SLC12A8: variants seen among roughly 807,000 people sequenced by gnomAD.
The protein encoded by SLC12A8 is solute carrier family 12 member 8.
Under a neutral mutation model 75.6 loss-of-function variants are expected in SLC12A8, and 69 were observed. The ratio of observed to expected loss-of-function variants is 0.91; its 90% confidence interval spans 0.75 to 1.11. SLC12A8 has a LOEUF of 1.11. Ranked by LOEUF, SLC12A8 falls within the 50% of genes most tolerant of loss-of-function variation. The probability of loss-of-function intolerance (pLI) is 0.00; values close to 1 mark genes in which losing one functional copy is unlikely to be tolerated. For synonymous variants in SLC12A8, 365 were observed against 372.8 expected (o/e 0.98, Z 0.24); for missense variants, 877 against 896.7 (o/e 0.98, Z 0.28).
rs150609962 is a variant in SLC12A8 at position 125,167,613 on chromosome 3, A to T, written c.622+10130T>A. Among the ~76,000 whole-genome samples the T allele has an allele frequency of 3.8e-3, 576 of 152,344 alleles. 2 individuals carry two copies. The highest frequency in any genetic ancestry group is 5.2e-3 in the South Asian group (25 of 4,832). ...GCCTGGAGATGTAAATATGATTTTC[A>T]TCCTTGTTTTTAACCAATGAGAAAA... On this transcript the variant is annotated intron_variant, in intron 5 of 13. Transcript: ENST00000469902.
intron 2 of SLC12A8, among the ~76,000 whole-genome samples, chr3:125,205,501 A>T (rs549587563): frequency 1.3e-5 from 2 of 152,204 alleles, no homozygotes; most frequent in African/African-American, 4.8e-5. Flanking sequence ...TGTCATTTTC[A>T]GGCAAAGTAA....
At chr3:125,200,613 A>G (rs1213332088) in intron 2 of SLC12A8, among the ~76,000 whole-genome samples, 1 of 152,232 alleles carries the variant, frequency 6.6e-6, no homozygotes, top group Non-Finnish European at 1.5e-5. Context: ...GAATTCACCA[A>G]AAGATTCCTG....
At chr3:125,202,350 A>G (rs985408681) in intron 2 of SLC12A8, among the ~76,000 whole-genome samples, 2 of 152,124 alleles carry the variant, frequency 1.3e-5, no homozygotes, top group Admixed American at 6.5e-5. Context: ...GTAAGCTAAA[A>G]CTCAGTTACT....
intron 6 of SLC12A8, among the ~76,000 whole-genome samples, chr3:125,125,253 A>G (rs1226729951): frequency 6.6e-6 from 1 of 152,056 alleles, no homozygotes; most frequent in Non-Finnish European, 1.5e-5. Context: ...GCTTCCAAAA[A>G]TTGTTTAAAT....
intron 5 of SLC12A8, chr3:125,151,588 GA>G (rs112527069): frequency 0.088 from 13,445 of 152,818 alleles, 1,023 homozygotes; most frequent in East Asian, 0.34. Context: ...GAGAAATGCT[GA>G]AGGGGCAGCC....
chr3:125,151,677 T>A (rs977799786), intron 5 of SLC12A8: 1 of 152,252 alleles, frequency 6.6e-6, no homozygotes, highest in Non-Finnish European at 1.5e-5. Flanking sequence ...CCAGGGAGGA[T>A]GACCACGATA....
intron 8 of SLC12A8, among the ~76,000 whole-genome samples, chr3:125,115,954 C>T (rs1939300798): frequency 6.6e-6 from 1 of 152,148 alleles, no homozygotes; most frequent in Non-Finnish European, 1.5e-5. Context: ...TGTCAAGTGA[C>T]CAAAGTAAAG....
At chr3:125,187,040 G>A (rs1485392100) in intron 4 of SLC12A8, among the ~76,000 whole-genome samples, 197 bp downstream of exon 4, 1 of 152,238 alleles carries the variant, frequency 6.6e-6, no homozygotes, top group Admixed American at 6.5e-5. Context: ...CAGAGGGAAA[G>A]GAGTGCTGGA....
chr3:125,177,114 G>C (rs1305965347), intron 5 of SLC12A8, among the ~76,000 whole-genome samples: 2 of 151,974 alleles, frequency 1.3e-5, no homozygotes, highest in African/African-American at 4.8e-5. Flanking sequence ...AGAAAATGTG[G>C]CACATATACA....
chr3:125,196,678 C>G (rs1178032174), intron 2 of SLC12A8, among the ~76,000 whole-genome samples: 1 of 152,162 alleles, frequency 6.6e-6, no homozygotes, highest in African/African-American at 2.4e-5. Context: ...CCTGTAATCC[C>G]AGCACTTTGG....
intron 5 of SLC12A8, among the ~76,000 whole-genome samples, chr3:125,156,576 C>T (rs544163639): frequency 2.6e-5 from 4 of 152,192 alleles, no homozygotes; most frequent in Admixed American, 6.5e-5. Context: ...TTCCCGATGG[C>T]GGTGGTGGAC....
intron 9 of SLC12A8, among the ~76,000 whole-genome samples, chr3:125,109,473 G>T (rs1939127990): frequency 6.6e-6 from 1 of 152,242 alleles, no homozygotes; most frequent in Non-Finnish European, 1.5e-5. Context: ...TTGCAACGAT[G>T]TGTTCCCTAA....
At chr3:125,142,282 T>A (rs1933668989) in intron 5 of SLC12A8, among the ~76,000 whole-genome samples, 1 of 152,186 alleles carries the variant, frequency 6.6e-6, no homozygotes, top group Non-Finnish European at 1.5e-5. Flanking sequence ...ACTCAGATAC[T>A]GCCCAGCCCC....
intron 2 of SLC12A8, among the ~76,000 whole-genome samples, chr3:125,201,752 T>TCTAAAGA (rs1560085290): frequency 6.8e-6 from 1 of 147,174 alleles, no homozygotes. Flanking sequence ...AGGTACTACC[T>TCTAAAGA]CTAAAGACTT....
intron 6 of SLC12A8, among the ~76,000 whole-genome samples, chr3:125,125,616 G>A (rs753079127): frequency 2.6e-5 from 4 of 152,142 alleles, no homozygotes; most frequent in Non-Finnish European, 4.4e-5. Flanking sequence ...CTTAAATCTA[G>A]GTGATACCCT....
chr3:125,119,839 C>G, intron 7 of SLC12A8: 1 of 456,734 alleles, frequency 2.2e-6, no homozygotes, highest in South Asian at 1.5e-5. Context: ...TTTCTGGTCT[C>G]TGATCTCTTT....
At chr3:125,195,567 C>G (rs1460584794) in intron 2 of SLC12A8, among the ~76,000 whole-genome samples, 1 of 151,012 alleles carries the variant, frequency 6.6e-6, no homozygotes, top group Non-Finnish European at 1.5e-5. Context: ...GGGTTGAAAT[C>G]TAGTCATTCC....
At chr3:125,156,927 G>A (rs1032465104) in intron 5 of SLC12A8, among the ~76,000 whole-genome samples, 12 of 152,114 alleles carry the variant, frequency 7.9e-5, no homozygotes, top group Admixed American at 6.5e-5. Flanking sequence ...TCTTTAAAAC[G>A]CATGTTGAAT....
intron 8 of SLC12A8, among the ~76,000 whole-genome samples, chr3:125,113,271 A>C (rs1939229698): frequency 6.6e-6 from 1 of 152,100 alleles, no homozygotes; most frequent in Non-Finnish European, 1.5e-5. Flanking sequence ...AAGTATAGCA[A>C]CCTATGTCCA....
Sources: gnomAD v4.1 joint callset for allele counts (sites outside exome capture counted in the v4.1 genomes callset) on GRCh38, gnomAD v4.1.1 for gene constraint, MANE v1.5 for transcripts, NCBI Gene and HGNC (gene_info 2026-07-23, HGNC 2026-07-21) for gene names.